The following TSPAN5 variants were observed in gnomAD, a reference collection of about 807,000 sequenced individuals.
TSPAN5 encodes tetraspanin 5, also known as tetraspanin-5.
TSPAN5 carries 10 observed loss-of-function variants against 37.1 expected under a neutral mutation model. That is an observed-to-expected ratio of 0.27 (90% CI 0.17 to 0.46). The LOEUF (loss-of-function observed/expected upper bound fraction) is 0.46, where lower values mean the gene tolerates loss of function less well. TSPAN5 is among the 20% of genes least tolerant of loss of function. The pLI is 1.00. For missense variants in TSPAN5, 195 were observed against 326.6 expected (o/e 0.60, Z 3.11); for synonymous variants, 110 against 118.9 (o/e 0.93, Z 0.48).
chr4:98,530,752 C>CACAT (rs1754063585), intron 1 of TSPAN5, among the ~76,000 whole-genome samples: 2 of 149,228 alleles, frequency 1.3e-5, no homozygotes, highest in South Asian at 2.1e-4. Flanking sequence ...CACACACACA[C>CACAT]ATATTTAGAA....
chr4:98,483,456 G>C (rs568186092), intron 3 of TSPAN5: 3 of 152,366 alleles, frequency 2.0e-5, no homozygotes, highest in Admixed American at 6.5e-5. Flanking sequence ...CCTGAGGTAG[G>C]TGGGCTTTGC....
chr4:98,588,435 T>C (rs555970579), intron 1 of TSPAN5, among the ~76,000 whole-genome samples: 73 of 152,278 alleles, frequency 4.8e-4, no homozygotes, highest in African/African-American at 1.6e-3. Flanking sequence ...TGTTCCCAAG[T>C]CTATTACTTC....
rs149706429 is a variant in TSPAN5, at chr4:98,633,804, G to A, written c.81+24342C>T. Reference sequence around the variant, plus strand: ...CTTAAAAGTGATCAATCACGGCCGGGCACGATGGCTGACGCCTGTAATACC... The same window carrying A: ...CTTAAAAGTGATCAATCACGGCCGGACACGATGGCTGACGCCTGTAATACC... On this transcript the variant is annotated intron_variant, in intron 1 of 7. Coordinates refer to ENST00000305798, the MANE Select transcript of TSPAN5 (RefSeq NM_005723.4). Among the ~76,000 whole-genome samples the A allele has an allele frequency of 7.2e-5, 11 of 152,258 alleles. No individual in the cohort carries two copies. The South Asian group carries it at 2.1e-3, about 29-fold the overall frequency.
chr4:98,478,052 G>T (rs1346056609), intron 5 of TSPAN5, among the ~76,000 whole-genome samples: 2 of 152,156 alleles, frequency 1.3e-5, no homozygotes, highest in African/African-American at 2.4e-5. Context: ...CTTACAAATA[G>T]ATTTTATATT....
At chr4:98,567,779 C>T (rs1055198105) in intron 1 of TSPAN5, among the ~76,000 whole-genome samples, 1 of 148,292 alleles carries the variant, frequency 6.7e-6, no homozygotes, top group Admixed American at 6.7e-5. Context: ...GAAGTAGAAA[C>T]GAGTTCAGTT....
intron 1 of TSPAN5, among the ~76,000 whole-genome samples, chr4:98,553,544 A>G (rs909659636): frequency 6.6e-6 from 1 of 152,220 alleles, no homozygotes; most frequent in African/African-American, 2.4e-5. Flanking sequence ...TTGTCCATTA[A>G]AACTTCGTAA....
chr4:98,555,901 A>T (rs1478894783), intron 1 of TSPAN5, among the ~76,000 whole-genome samples: 2 of 152,152 alleles, frequency 1.3e-5, no homozygotes, highest in Non-Finnish European at 2.9e-5. Context: ...GGATATCCTT[A>T]GCAAAAGCAA....
intron 1 of TSPAN5, among the ~76,000 whole-genome samples, chr4:98,616,051 A>G (rs1258635966): frequency 6.6e-6 from 1 of 152,062 alleles, no homozygotes; most frequent in African/African-American, 2.4e-5. Flanking sequence ...GGCTCTGCAG[A>G]AGAATCTTAT....
At chr4:98,488,402 T>C (rs1753019638) in intron 2 of TSPAN5, among the ~76,000 whole-genome samples, 1 of 152,202 alleles carries the variant, frequency 6.6e-6, no homozygotes, top group Non-Finnish European at 1.5e-5. Flanking sequence ...AATAATAGGA[T>C]ATTAAGAACA....
chr4:98,536,488 T>C (rs906750651), intron 1 of TSPAN5, among the ~76,000 whole-genome samples: 2 of 152,242 alleles, frequency 1.3e-5, no homozygotes, highest in Admixed American at 6.5e-5. Context: ...GGGACCCACT[T>C]GAGGAGGCAG....
At chr4:98,626,355 A>C (rs7682381) in intron 1 of TSPAN5, among the ~76,000 whole-genome samples, 92,605 of 152,072 alleles carry the variant, frequency 0.61, 30,577 homozygotes, top group African/African-American at 0.88. Context: ...TCTGCTTCTA[A>C]CCTTGACCCC....
intron 1 of TSPAN5, among the ~76,000 whole-genome samples, chr4:98,538,363 T>A (rs528179740): frequency 6.6e-6 from 1 of 152,256 alleles, no homozygotes; most frequent in East Asian, 1.9e-4. Context: ...GGGAGGCAGG[T>A]CCAGAAAGCC....
chr4:98,587,907 AC>A (rs1755532402), intron 1 of TSPAN5, among the ~76,000 whole-genome samples: 2 of 151,996 alleles, frequency 1.3e-5, no homozygotes, highest in African/African-American at 4.8e-5. Flanking sequence ...AACAACAACA[AC>A]AACAACAAAA....
chr4:98,488,878 C>T (rs1753028932), intron 2 of TSPAN5, among the ~76,000 whole-genome samples: 1 of 152,062 alleles, frequency 6.6e-6, no homozygotes, highest in African/African-American at 2.4e-5. Flanking sequence ...TATAGCGAGA[C>T]CCTTTCTCTA....
chr4:98,584,822 T>C (rs184798416), intron 1 of TSPAN5, among the ~76,000 whole-genome samples: 2 of 152,304 alleles, frequency 1.3e-5, no homozygotes, highest in Non-Finnish European at 2.9e-5. Flanking sequence ...GAATTGAATG[T>C]GTCTTGAATG....
intron 1 of TSPAN5, among the ~76,000 whole-genome samples, chr4:98,576,785 T>C (rs1248367469): frequency 6.6e-6 from 1 of 152,082 alleles, no homozygotes; most frequent in African/African-American, 2.4e-5. Flanking sequence ...GTTGAGACAG[T>C]GTCTTGCTCT....
chr4:98,507,790 T>C, intron 1 of TSPAN5, 62 bp from the exon 2 acceptor site: 1 of 1,238,156 alleles, frequency 8.1e-7, no homozygotes, highest in Non-Finnish European at 1.2e-6. Flanking sequence ...AAGAAGAAAC[T>C]TTTCAATCAA....
At position 98,505,523 on chromosome 4, in the gene TSPAN5, G is replaced by T. The variant is rs112805544; in HGVS notation, c.132+2155C>A. On this transcript the variant is annotated intron_variant, in intron 2 of 7. Coordinates refer to ENST00000305798, the MANE Select transcript of TSPAN5 (RefSeq NM_005723.4). ...CCTTCATCCAGGTCTCTGCTCCCAT[G>T]CCACCTCCTTAGAGAGGCTGTTGGC... 9.6e-4 allele frequency among the ~76,000 whole-genome samples: 146 copies of T among 152,282 alleles called. 2 individuals are homozygous for T. Among genetic ancestry groups the T allele is most frequent in the African/African-American group, 3.3e-3 (136 of 41,564 alleles).
chr4:98,504,201 C>T (rs1753421076), intron 2 of TSPAN5, among the ~76,000 whole-genome samples: 1 of 152,070 alleles, frequency 6.6e-6, no homozygotes, highest in South Asian at 2.1e-4. Context: ...AGCTATGATC[C>T]AGTTTGGGGA....
Sources: gnomAD v4.1 joint callset for allele counts (sites outside exome capture counted in the v4.1 genomes callset) on GRCh38, gnomAD v4.1.1 for gene constraint, MANE v1.5 for transcripts, NCBI Gene and HGNC (gene_info 2026-07-23, HGNC 2026-07-21) for gene names.